The following AR variants were observed in gnomAD, a reference collection of about 807,000 sequenced individuals.
The protein encoded by AR is dihydrotestosterone receptor.
A neutral mutation model predicts 53.9 loss-of-function variants in AR; 8 were observed. The observed-to-expected ratio is 0.15, with a 90% CI of 0.09 to 0.27. The LOEUF (loss-of-function observed/expected upper bound fraction) is 0.27, where lower values mean the gene tolerates loss of function less well. Ranked by LOEUF, AR falls within the 10% of genes least tolerant of loss-of-function variation. The probability of loss-of-function intolerance (pLI) is 1.00; values close to 1 mark genes in which losing one functional copy is unlikely to be tolerated. For synonymous variants in AR, 359 were observed against 316.4 expected (o/e 1.13, Z -1.43); for missense variants, 639 against 742.5 (o/e 0.86, Z 1.62).
At chrX:67,583,656 T>C (rs981655816) in intron 1 of AR, among the ~76,000 whole-genome samples, 2 of 111,916 alleles carry the variant, frequency 1.8e-5, no homozygotes, top group African/African-American at 3.2e-5. Flanking sequence ...CAAGTCTTCA[T>C]GTACTTTGTG....
chrX:67,565,907 G>A (rs1017687944), intron 1 of AR, among the ~76,000 whole-genome samples: 2 of 111,551 alleles, frequency 1.8e-5, no homozygotes, highest in Admixed American at 9.5e-5. Context: ...TGCCCAGGCC[G>A]GTCCTGAATT....
intron 1 of AR, among the ~76,000 whole-genome samples, chrX:67,640,384 G>A (rs762021986): frequency 1.7e-4 from 19 of 110,945 alleles, no homozygotes; most frequent in African/African-American, 4.6e-4. Context: ...GAATAGTTTC[G>A]GAAGGAATGG....
intron 3 of AR, among the ~76,000 whole-genome samples, chrX:67,709,235 G>C (rs180795272): frequency 1.9e-3 from 215 of 112,379 alleles, no homozygotes; most frequent in Non-Finnish European, 1.2e-3. Flanking sequence ...CCTGCCCCCA[G>C]AGGTGGAGTC....
chrX:67,637,011 A>G (rs1225641125), intron 1 of AR, among the ~76,000 whole-genome samples: 1 of 111,767 alleles, frequency 8.9e-6, no homozygotes, highest in Non-Finnish European at 1.9e-5. Context: ...TCTTTCATTG[A>G]TTGTAAATTC....
intron 1 of AR, among the ~76,000 whole-genome samples, chrX:67,630,182 C>T (rs1438508764): frequency 9.0e-6 from 1 of 110,656 alleles, no homozygotes; most frequent in Non-Finnish European, 1.9e-5. Flanking sequence ...AGTTCAATTC[C>T]TGGGTATCCT....
intron 1 of AR, among the ~76,000 whole-genome samples, chrX:67,567,257 G>T (rs1190081348): frequency 9.0e-6 from 1 of 111,486 alleles, no homozygotes; most frequent in African/African-American, 3.3e-5. Context: ...TTATTTAACT[G>T]TAATATGGAA....
At chrX:67,586,647 A>T (rs1320384161) in intron 1 of AR, among the ~76,000 whole-genome samples, 1 of 112,474 alleles carries the variant, frequency 8.9e-6, no homozygotes, top group Admixed American at 9.4e-5. Flanking sequence ...TCTGAAAAGG[A>T]CAGCCAAATG....
intron 1 of AR, among the ~76,000 whole-genome samples, chrX:67,572,354 A>G (rs1233517362): frequency 9.0e-6 from 1 of 111,569 alleles, no homozygotes; most frequent in Non-Finnish European, 1.9e-5. Flanking sequence ...TTGCACATGC[A>G]ACATAGAGTG....
chrX:67,689,693 G>A, intron 3 of AR: 1 of 870,564 alleles, frequency 1.1e-6, no homozygotes, highest in Non-Finnish European at 1.4e-6. Flanking sequence ...ATTCCTGGCT[G>A]CATTTGAAAA....
rs964431287 is a variant in AR at position 67,613,317 on chromosome X, G to T, written c.1617-29939G>T. On this transcript the variant is annotated intron_variant, in intron 1 of 7. Transcript: ENST00000374690. ...GAGGTTCTGTCCCAGGGAAAGGCAG[G>T]TTGTTAGGATGGAGAACTCCACAGT... 2.7e-5 allele frequency among the ~76,000 whole-genome samples: 3 copies of T among 111,662 alleles called. No individual in the cohort carries two copies. The South Asian group carries it at 1.1e-3, about 42-fold the overall frequency.
intron 2 of AR, among the ~76,000 whole-genome samples, chrX:67,665,599 A>G (rs1927221594): frequency 9.0e-6 from 1 of 111,057 alleles, no homozygotes; most frequent in Non-Finnish European, 1.9e-5. Context: ...TCCATCTCCT[A>G]TGCTCCTATG....
intron 1 of AR, among the ~76,000 whole-genome samples, chrX:67,633,661 C>T (rs763620547): frequency 9.0e-6 from 1 of 111,609 alleles, no homozygotes; most frequent in African/African-American, 3.2e-5. Context: ...AATGTGGGCT[C>T]CAAATGTCCA....
chrX:67,619,146 T>G (rs1924253308), intron 1 of AR, among the ~76,000 whole-genome samples: 1 of 111,427 alleles, frequency 9.0e-6, no homozygotes, highest in African/African-American at 3.3e-5. Flanking sequence ...TTATGACCAC[T>G]GCTGTAAGCC....
chrX:67,689,442 T>C lies in AR; in HGVS notation c.1885+3316T>C, dbSNP rs746597239. ...ATCTTTAATCTGGCTTTCTCTATAG[T>C]GTTTCATTCACTGTTTGGTGATGGA... On this transcript the variant is annotated intron_variant, in intron 3 of 7. Coordinates refer to ENST00000374690, the MANE Select transcript of AR (RefSeq NM_000044.6). 82 of 426,655 alleles carry C rather than the reference T, an allele frequency of 1.9e-4. No individual in the cohort carries two copies. In the African/African-American group the frequency reaches 2.1e-3, roughly 11 times the overall value. 35.2% of individuals were successfully genotyped at this position (426,655 alleles called of 1,213,427 possible).
intron 3 of AR, among the ~76,000 whole-genome samples, chrX:67,692,456 C>T (rs1267470834): frequency 8.9e-6 from 1 of 112,204 alleles, no homozygotes; most frequent in Admixed American, 9.4e-5. Flanking sequence ...TGACTCAGCA[C>T]TTTGAAACTC....
intron 1 of AR, among the ~76,000 whole-genome samples, chrX:67,605,282 GGA>G (rs1292688255): frequency 1.8e-5 from 2 of 112,293 alleles, no homozygotes; most frequent in Non-Finnish European, 3.8e-5. Flanking sequence ...TTTATGATCT[GGA>G]GCTGGTTAAG....
At chrX:67,679,300 A>G (rs191845064) in intron 2 of AR, among the ~76,000 whole-genome samples, 3 of 111,739 alleles carry the variant, frequency 2.7e-5, no homozygotes, top group East Asian at 5.6e-4. Flanking sequence ...ACAAACCAAT[A>G]TATTGTGAAT....
intron 1 of AR, among the ~76,000 whole-genome samples, chrX:67,564,375 C>G (rs1180660969): frequency 9.0e-6 from 1 of 111,416 alleles, no homozygotes; most frequent in African/African-American, 3.3e-5. Flanking sequence ...AGAGCATCTA[C>G]TAAGCCTTCT....
intron 1 of AR, among the ~76,000 whole-genome samples, chrX:67,637,949 A>T (rs1925533951): frequency 9.0e-6 from 1 of 110,596 alleles, no homozygotes. Context: ...TACATTAGAT[A>T]TTTCTCCTAA....
Sources: gnomAD v4.1 joint callset for allele counts (sites outside exome capture counted in the v4.1 genomes callset) on GRCh38, gnomAD v4.1.1 for gene constraint, MANE v1.5 for transcripts, NCBI Gene and HGNC (gene_info 2026-07-23, HGNC 2026-07-21) for gene names.